Variants in SLC37A1 observed in about 807,000 individuals in gnomAD.
SLC37A1 encodes solute carrier family 37 member 1, also known as glucose-6-phosphate exchanger SLC37A1.
SLC37A1 carries 49 observed loss-of-function variants against 75.3 expected under a neutral mutation model. The observed-to-expected ratio is 0.65, with a 90% CI of 0.52 to 0.83. The LOEUF (loss-of-function observed/expected upper bound fraction) is 0.83. SLC37A1 is among the 40% of genes least tolerant of loss of function. The pLI is 0.00. For missense variants in SLC37A1, 566 were observed against 695.0 expected, an observed-to-expected ratio of 0.81 and a Z score of 2.09; for synonymous variants, 268 against 292.1, an observed-to-expected ratio of 0.92 and a Z score of 0.84.
intron 2 of SLC37A1, among the ~76,000 whole-genome samples, chr21:42,522,002 C>G (rs2054661424): frequency 6.6e-6 from 1 of 152,230 alleles, no homozygotes; most frequent in African/African-American, 2.4e-5. Flanking sequence ...TTCCTTGCCT[C>G]TTCCAGCTCC....
At chr21:42,502,629 A>T (rs942455463) in intron 2 of SLC37A1, 3 of 152,162 alleles carry the variant, frequency 2.0e-5, no homozygotes, top group Admixed American at 2.0e-4. Context: ...CTCTTTCTGA[A>T]ATGTGATGCC....
At chr21:42,506,846 G>C (rs2054387864) in intron 2 of SLC37A1, among the ~76,000 whole-genome samples, 1 of 152,072 alleles carries the variant, frequency 6.6e-6, no homozygotes, top group Non-Finnish European at 1.5e-5. Flanking sequence ...ACATGATCTT[G>C]AGTAATATTC....
chr21:42,572,387 C>G (rs764521166), intron 17 of SLC37A1, among the ~76,000 whole-genome samples: 8 of 152,050 alleles, frequency 5.3e-5, no homozygotes, highest in Non-Finnish European at 1.2e-4. Flanking sequence ...CTACCATTTT[C>G]TGATTTGTTT....
At chr21:42,572,614 T>G (rs549768158) in intron 17 of SLC37A1, among the ~76,000 whole-genome samples, 2 of 150,482 alleles carry the variant, frequency 1.3e-5, no homozygotes, top group African/African-American at 4.9e-5. Flanking sequence ...CAGTGCATCC[T>G]GTTTTATTTC....
upstream of SLC37A1, among the ~76,000 whole-genome samples, chr21:42,513,292 G>A (rs1267215849): frequency 6.6e-6 from 1 of 152,228 alleles, no homozygotes; most frequent in African/African-American, 2.4e-5. Flanking sequence ...AGCCTAACAG[G>A]GAGCTGCCTC....
intron 10 of SLC37A1, among the ~76,000 whole-genome samples, chr21:42,557,152 G>A (rs868050687): frequency 2.0e-5 from 3 of 152,218 alleles, no homozygotes; most frequent in African/African-American, 7.2e-5. Flanking sequence ...CTGGCTAAGC[G>A]GCCTCGTTCC....
intron 18 of SLC37A1, 68 bp downstream of exon 18, chr21:42,574,983 G>A (rs2056274974): frequency 4.4e-6 from 7 of 1,598,020 alleles, no homozygotes; most frequent in Non-Finnish European, 6.0e-6. Context: ...CCAAACACTG[G>A]TGGAACTTTC....
chr21:42,539,662 C>T lies in SLC37A1; in HGVS notation c.486+15C>T, dbSNP rs1218620912. The T allele has an allele frequency of 1.2e-6, 2 of 1,606,050 alleles. No homozygotes were observed. Among genetic ancestry groups the T allele is most frequent in the Non-Finnish European group, 1.7e-6 (2 of 1,176,472 alleles). On this transcript the variant is annotated intron_variant, in intron 6 of 19. Coordinates refer to ENST00000352133, the MANE Select transcript of SLC37A1 (RefSeq NM_001320537.2). ...TGGTAACTCAGGTAAGGGTTTGGAT[C>T]CGTGGCTCACCATGTACGGGGTTTC... is the stretch of plus-strand genomic sequence containing the variant.
At chr21:42,565,761 A>G (rs2055960561) in intron 14 of SLC37A1, 66 bp from the exon 15 acceptor site, 1 of 1,469,020 alleles carries the variant, frequency 6.8e-7, no homozygotes, top group Non-Finnish European at 9.5e-7. Flanking sequence ...TGAGAAGTAG[A>G]TTTCCAGCAA....
intron 8 of SLC37A1, 108 bp downstream of exon 8, chr21:42,543,710 T>C: frequency 8.6e-7 from 1 of 1,164,082 alleles, no homozygotes; most frequent in Non-Finnish European, 1.2e-6. Flanking sequence ...AGCGCCCTGT[T>C]TGCCCGTGGC....
At chr21:42,534,102 C>T (rs1200972362) in intron 3 of SLC37A1, among the ~76,000 whole-genome samples, 2 of 152,214 alleles carry the variant, frequency 1.3e-5, no homozygotes, top group African/African-American at 4.8e-5. Flanking sequence ...TCCCCATCCC[C>T]TGTCCCACAT....
intron 18 of SLC37A1, among the ~76,000 whole-genome samples, chr21:42,576,475 T>G (rs2056312497): frequency 6.6e-6 from 1 of 152,052 alleles, no homozygotes; most frequent in Non-Finnish European, 1.5e-5. Flanking sequence ...GCTAACACCC[T>G]ACAAAAGATG....
intron 3 of SLC37A1, among the ~76,000 whole-genome samples, chr21:42,531,752 G>A (rs1568998560): frequency 6.6e-6 from 1 of 152,036 alleles, no homozygotes; most frequent in Non-Finnish European, 1.5e-5. Flanking sequence ...CACGTTTGGG[G>A]GATAAAACTC....
intron 11 of SLC37A1, among the ~76,000 whole-genome samples, chr21:42,559,935 G>C (rs150733868): frequency 6.6e-6 from 1 of 151,648 alleles, no homozygotes; most frequent in South Asian, 2.1e-4. Context: ...CTGATTGCCC[G>C]TGTGTGTGAG....
At chr21:42,535,940 T>C (rs1320269497) in intron 5 of SLC37A1, among the ~76,000 whole-genome samples, 1 of 152,220 alleles carries the variant, frequency 6.6e-6, no homozygotes, top group Admixed American at 6.5e-5. Context: ...TTGCCATCTG[T>C]TTATATGCCC....
intron 2 of SLC37A1, among the ~76,000 whole-genome samples, chr21:42,524,256 G>A (rs2054724172): frequency 6.6e-6 from 1 of 152,170 alleles, no homozygotes; most frequent in Admixed American, 6.5e-5. Flanking sequence ...TTCCACTCCT[G>A]TCAAATACTT....
intron 14 of SLC37A1, 99 bp downstream of exon 14, chr21:42,564,892 T>C: frequency 8.6e-7 from 1 of 1,167,814 alleles, no homozygotes; most frequent in Non-Finnish European, 1.2e-6. Context: ...GTGCTCCACT[T>C]TCCTGACAAG....
intron 1 of SLC37A1, among the ~76,000 whole-genome samples, chr21:42,500,273 G>T (rs2146673725): frequency 6.6e-6 from 1 of 152,152 alleles, no homozygotes; most frequent in East Asian, 1.9e-4. Context: ...ACATATTAGA[G>T]TATATAGATA....
At chr21:42,550,122 A>G (rs2055520642) in intron 9 of SLC37A1, among the ~76,000 whole-genome samples, 1 of 152,266 alleles carries the variant, frequency 6.6e-6, no homozygotes, top group Non-Finnish European at 1.5e-5. Flanking sequence ...CCATTATCAC[A>G]CTTAAAAACC....
Sources: allele counts gnomAD v4.1 joint callset (sites outside exome capture counted in the v4.1 genomes callset), GRCh38; gene constraint gnomAD v4.1.1; transcripts MANE v1.5; gene names NCBI Gene and HGNC (gene_info 2026-07-23, HGNC 2026-07-21).